Variants in ZPBP observed in about 807,000 individuals in gnomAD.
The protein encoded by ZPBP is zona pellucida binding protein, also known as zona pellucida-binding protein 1.
Under a neutral mutation model 44.8 loss-of-function variants are expected in ZPBP, and 26 were observed. That is an observed-to-expected ratio of 0.58 (90% CI 0.43 to 0.81). The LOEUF (loss-of-function observed/expected upper bound fraction) is 0.81. ZPBP is among the 30% of genes least tolerant of loss of function. ZPBP has a pLI of 0.00. For missense variants in ZPBP, 409 were observed against 434.0 expected, an observed-to-expected ratio of 0.94 and a Z score of 0.51; for synonymous variants, 174 against 153.2, an observed-to-expected ratio of 1.14 and a Z score of -1.00.
intron 1 of ZPBP, chr7:49,914,969 G>A (rs1364950585): frequency 3.9e-5 from 6 of 152,144 alleles, no homozygotes; most frequent in Admixed American, 6.6e-5. Context: ...AAACTAAATC[G>A]TGCTTACAAA....
At chr7:49,983,682 A>G (rs897560575) in intron 6 of ZPBP, among the ~76,000 whole-genome samples, 163 bp from the exon 7 acceptor site, 10 of 152,140 alleles carry the variant, frequency 6.6e-5, no homozygotes, top group Non-Finnish European at 1.3e-4. Context: ...AACTGAAAAG[A>G]TGTCATCTAT....
chr7:49,963,055 T>C (rs572523027), intron 7 of ZPBP, among the ~76,000 whole-genome samples: 19 of 151,760 alleles, frequency 1.3e-4, no homozygotes, highest in African/African-American at 3.4e-4. Flanking sequence ...AGGAAAGGAT[T>C]TGAACAAACA....
chr7:50,037,296 A>G (rs1260181960), intron 4 of ZPBP, among the ~76,000 whole-genome samples: 2 of 152,232 alleles, frequency 1.3e-5, no homozygotes, highest in Non-Finnish European at 2.9e-5. Flanking sequence ...TCCTAAGGGC[A>G]TAGAAAAAAT....
At chr7:49,948,869 T>C (rs992519215) in intron 7 of ZPBP, among the ~76,000 whole-genome samples, 3 of 152,158 alleles carry the variant, frequency 2.0e-5, no homozygotes, top group South Asian at 2.1e-4. Context: ...TTTCTGGGTA[T>C]ATGCTCAAAA....
intron 3 of ZPBP, among the ~76,000 whole-genome samples, chr7:50,069,175 C>T (rs1469301859): frequency 1.3e-5 from 2 of 152,138 alleles, no homozygotes; most frequent in African/African-American, 4.8e-5. Flanking sequence ...TAACTTAACT[C>T]CTTAGAGGCA....
chr7:49,885,886 A>C (rs629285), intron 2 of ZPBP, among the ~76,000 whole-genome samples: 2 of 152,172 alleles, frequency 1.3e-5, no homozygotes, highest in Admixed American at 1.3e-4. Flanking sequence ...GGCCCTTGGC[A>C]TGGCAGAGGA....
intron 3 of ZPBP, among the ~76,000 whole-genome samples, chr7:50,068,042 T>G (rs1484280970): frequency 1.3e-5 from 2 of 152,220 alleles, no homozygotes; most frequent in African/African-American, 4.8e-5. Context: ...CTGGTAGTCC[T>G]AAAGCTGGAG....
intron 1 of ZPBP, among the ~76,000 whole-genome samples, chr7:49,924,593 G>A (rs1180073391): frequency 2.0e-5 from 3 of 152,106 alleles, no homozygotes; most frequent in Non-Finnish European, 2.9e-5. Context: ...TACTCAGGAG[G>A]CCAAGGTCAA....
At chr7:49,969,162 T>G (rs1020666115) in intron 7 of ZPBP, among the ~76,000 whole-genome samples, 20 of 149,290 alleles carry the variant, frequency 1.3e-4, no homozygotes, top group African/African-American at 4.9e-4. Flanking sequence ...ATACATATTT[T>G]TATACATACA....
chr7:49,956,171 G>C (rs954609357), intron 7 of ZPBP, among the ~76,000 whole-genome samples: 2 of 151,882 alleles, frequency 1.3e-5, no homozygotes, highest in Non-Finnish European at 2.9e-5. Context: ...TATCCATTCT[G>C]TTTGTCTGTT....
At chr7:50,068,673 G>A (rs927986435) in intron 3 of ZPBP, among the ~76,000 whole-genome samples, 5 of 152,056 alleles carry the variant, frequency 3.3e-5, no homozygotes, top group East Asian at 1.9e-4. Context: ...TTCTGATCTC[G>A]GTTAATTTAC....
At chr7:50,046,232 C>T (rs1284397828) in intron 4 of ZPBP, among the ~76,000 whole-genome samples, 2 of 152,160 alleles carry the variant, frequency 1.3e-5, no homozygotes, top group Non-Finnish European at 2.9e-5. Flanking sequence ...AGGACATAGG[C>T]ATGGCCAAAG....
chr7:49,921,962 C>G (rs1794038513), intron 1 of ZPBP: 1 of 151,978 alleles, frequency 6.6e-6, no homozygotes, highest in Non-Finnish European at 1.5e-5. Flanking sequence ...TTTTGCACTT[C>G]CAGGTAGAGT....
intron 7 of ZPBP, among the ~76,000 whole-genome samples, chr7:49,977,786 C>A (rs1178134959): frequency 2.0e-5 from 3 of 152,158 alleles, no homozygotes; most frequent in Non-Finnish European, 4.4e-5. Flanking sequence ...GGCATCCTAT[C>A]GAGGTAGTGC....
chr7:49,878,726 A>T (rs1791551627), intron 2 of ZPBP, among the ~76,000 whole-genome samples: 1 of 152,118 alleles, frequency 6.6e-6, no homozygotes, highest in Non-Finnish European at 1.5e-5. Flanking sequence ...AAAATTGCTC[A>T]TGCACGATTT....
chr7:49,921,333 A>G (rs1382522547), intron 1 of ZPBP: 1 of 152,246 alleles, frequency 6.6e-6, no homozygotes, highest in African/African-American at 2.4e-5. Flanking sequence ...CTCCATAGCT[A>G]TAGAGACATA....
intron 7 of ZPBP, among the ~76,000 whole-genome samples, chr7:49,971,710 T>G (rs940188859): frequency 1.2e-4 from 19 of 152,038 alleles, no homozygotes; most frequent in Non-Finnish European, 7.4e-5. Flanking sequence ...TTACAAACAA[T>G]CTGAATGTTT....
chr7:49,946,847 G>C (rs186376829), intron 7 of ZPBP, among the ~76,000 whole-genome samples: 1 of 152,136 alleles, frequency 6.6e-6, no homozygotes, highest in African/African-American at 2.4e-5. Flanking sequence ...TTGCCCTTTA[G>C]AGGCTATTTT....
Position 50,017,616 on chromosome 7 carries a change from T to C in ZPBP, c.783+624A>G, listed in dbSNP as rs183506600. Among the ~76,000 whole-genome samples, 20 of 152,278 alleles carry C rather than the reference T, an allele frequency of 1.3e-4. No individual in the cohort carries two copies. In the East Asian group the frequency reaches 3.9e-3, roughly 29 times the overall value. On this transcript the variant is annotated intron_variant, in intron 6 of 7. Transcript: ENST00000046087. ...TATTGATCTCTGTATACAATACTTA[T>C]ACCTTTAGTAGAAACACTTTACAAC...
Sources: allele counts gnomAD v4.1 joint callset (sites outside exome capture counted in the v4.1 genomes callset), GRCh38; gene constraint gnomAD v4.1.1; transcripts MANE v1.5; gene names NCBI Gene and HGNC (gene_info 2026-07-23, HGNC 2026-07-21).